ARHGAP28: variants seen among roughly 807,000 people sequenced by gnomAD.
The protein encoded by ARHGAP28 is Rho GTPase activating protein 28.
In ARHGAP28, 56 loss-of-function variants were observed where a neutral mutation model predicts 90.7. The observed-to-expected ratio is 0.62, with a 90% CI of 0.50 to 0.77. The LOEUF (loss-of-function observed/expected upper bound fraction) is 0.77. Among genes scored for constraint, ARHGAP28 ranks in the 30% least tolerant of loss-of-function variants. The pLI is 0.00. For missense variants in ARHGAP28, 869 were observed against 900.9 expected (o/e 0.96, Z 0.45); for synonymous variants, 308 against 323.3 (o/e 0.95, Z 0.51).
Position 6,729,752 on chromosome 18 carries a change from C to A in ARHGAP28, c.-70C>A. On this transcript the variant is annotated 5_prime_UTR_variant, in exon 1 of 18. Coordinates refer to ENST00000383472, the MANE Select transcript of ARHGAP28 (RefSeq NM_001366230.1). The stretch of plus-strand genomic sequence containing the variant: ...CGCGCCGCCCAGCTGCTGACAGCCT[C>A]CCGGCGCGCCGGTCCATGCTGGTCC... The A allele has an allele frequency of 7.7e-7, 1 of 1,290,996 alleles. No homozygotes were observed. The highest frequency in any genetic ancestry group is 9.8e-7 in the Non-Finnish European group (1 of 1,019,734). The allele number at this position is 1,290,996 out of a possible 1,614,324, so 80.0% of individuals were successfully genotyped here. A position where few individuals can be genotyped will look rare whatever the true frequency, so the allele number is the denominator to read the frequency against.
chr18:6,757,170 A>T (rs1394088985), intron 1 of ARHGAP28, among the ~76,000 whole-genome samples: 1 of 152,262 alleles, frequency 6.6e-6, no homozygotes, highest in Non-Finnish European at 1.5e-5. Context: ...TGACCTGCTT[A>T]ATAGTTATCA....
At chr18:6,889,325 A>G (rs566473685) in intron 12 of ARHGAP28, among the ~76,000 whole-genome samples, 8 of 152,132 alleles carry the variant, frequency 5.3e-5, no homozygotes, top group East Asian at 1.9e-4. Context: ...CCAGCTGTCA[A>G]TTTCAAAGTT....
At chr18:6,751,970 A>G (rs1422686915) in intron 1 of ARHGAP28, among the ~76,000 whole-genome samples, 1 of 152,232 alleles carries the variant, frequency 6.6e-6, no homozygotes, top group Non-Finnish European at 1.5e-5. Flanking sequence ...AACTTAAAAA[A>G]AAAAATTCCA....
At chr18:6,904,228 T>C (rs2057353153) in intron 16 of ARHGAP28, among the ~76,000 whole-genome samples, 1 of 152,070 alleles carries the variant, frequency 6.6e-6, no homozygotes, top group Non-Finnish European at 1.5e-5. Flanking sequence ...CCCTCATCTC[T>C]AGTAAAAATA....
chr18:6,857,277 C>A (rs1015529764), intron 4 of ARHGAP28, among the ~76,000 whole-genome samples: 1 of 152,208 alleles, frequency 6.6e-6, no homozygotes, highest in Non-Finnish European at 1.5e-5. Flanking sequence ...TTTTCTGTTG[C>A]ATATCCTGTG....
chr18:6,836,107 T>C (rs2056751510), intron 2 of ARHGAP28: 1 of 152,138 alleles, frequency 6.6e-6, no homozygotes, highest in African/African-American at 2.4e-5. Context: ...GGAAACTCGT[T>C]TGTACTGGCA....
chr18:6,906,029 C>A (rs1310102916), intron 16 of ARHGAP28, among the ~76,000 whole-genome samples: 1 of 151,998 alleles, frequency 6.6e-6, no homozygotes, highest in Non-Finnish European at 1.5e-5. Context: ...TGTAAACATG[C>A]ACAAGCTTAT....
chr18:6,777,500 T>A (rs4399615), intron 1 of ARHGAP28, among the ~76,000 whole-genome samples: 44,879 of 151,940 alleles, frequency 0.3, 7,684 homozygotes, highest in African/African-American at 0.47. Flanking sequence ...AGGTGGGAAG[T>A]TCACTTGAGC....
At chr18:6,894,123 T>C (rs1430425270) in intron 14 of ARHGAP28, among the ~76,000 whole-genome samples, 1 of 152,172 alleles carries the variant, frequency 6.6e-6, no homozygotes, top group Non-Finnish European at 1.5e-5. Context: ...TACCTTGGCC[T>C]CCCAAAGTGC....
At chr18:6,745,113 T>G (rs896080803) in intron 1 of ARHGAP28, among the ~76,000 whole-genome samples, 1 of 152,198 alleles carries the variant, frequency 6.6e-6, no homozygotes, top group African/African-American at 2.4e-5. Flanking sequence ...AATATTTTCC[T>G]TGTGTTTTTA....
intron 7 of ARHGAP28, among the ~76,000 whole-genome samples, chr18:6,871,598 T>C (rs2057090145): frequency 6.6e-6 from 1 of 152,208 alleles, no homozygotes; most frequent in Non-Finnish European, 1.5e-5. Flanking sequence ...TAGAGAACGA[T>C]GTAACATTGG....
At chr18:6,744,486 A>T (rs978577317) in intron 1 of ARHGAP28, among the ~76,000 whole-genome samples, 1 of 152,162 alleles carries the variant, frequency 6.6e-6, no homozygotes, top group African/African-American at 2.4e-5. Context: ...GTAATGAGAT[A>T]ATCCTAGATT....
chr18:6,852,102 G>T (rs1003374201), intron 4 of ARHGAP28, among the ~76,000 whole-genome samples: 3 of 152,098 alleles, frequency 2.0e-5, no homozygotes, highest in African/African-American at 7.2e-5. Context: ...TCCATTGAAC[G>T]TCTTATAATC....
rs770246922 is a variant in ARHGAP28, at chr18:6,859,905, A to C, written c.726+8A>C. 1 of 1,612,552 alleles carries C rather than the reference A, an allele frequency of 6.2e-7. No homozygotes were observed. The highest frequency in any genetic ancestry group is 1.3e-5 in the African/African-American group (1 of 74,906). ...CCCAGGAGTGACTCTGTGGTAAGTC[A>C]TCCATGTCAGCACAGTTACATGTCA... On this transcript the variant is annotated splice_region_variant and intron_variant, in intron 5 of 17. Transcript: ENST00000383472.
chr18:6,752,066 T>C (rs1457597258), intron 1 of ARHGAP28, among the ~76,000 whole-genome samples: 1 of 152,242 alleles, frequency 6.6e-6, no homozygotes, highest in African/African-American at 2.4e-5. Flanking sequence ...AATTTGATTA[T>C]ATTTTAACTA....
chr18:6,731,531 G>T (rs572859926), intron 1 of ARHGAP28, among the ~76,000 whole-genome samples: 2 of 152,156 alleles, frequency 1.3e-5, no homozygotes, highest in Non-Finnish European at 2.9e-5. Flanking sequence ...CAAGCGTTAC[G>T]TGTCAGAGCT....
At chr18:6,814,760 G>A (rs2056579281) in intron 1 of ARHGAP28, among the ~76,000 whole-genome samples, 1 of 152,170 alleles carries the variant, frequency 6.6e-6, no homozygotes, top group African/African-American at 2.4e-5. Flanking sequence ...AAGCAATAGA[G>A]AGAATATGTA....
Position 6,914,522 on chromosome 18 carries a change from AT to A in ARHGAP28, c.*2369del, listed in dbSNP as rs1418733113. ...CTTTTGACCAATTTTATTCCTAAGA[AT>A]AAACAAACCCCTACAGTTAAAATGC... On this transcript the variant is annotated 3_prime_UTR_variant, in exon 18 of 18. Coordinates refer to ENST00000383472, the MANE Select transcript of ARHGAP28 (RefSeq NM_001366230.1). 1 of 152,200 alleles carries A rather than the reference AT, an allele frequency of 6.6e-6. No homozygotes were observed. Among genetic ancestry groups the A allele is most frequent in the African/African-American group, 2.4e-5 (1 of 41,454 alleles). 9.4% of individuals were successfully genotyped at this position (152,200 alleles called of 1,614,324 possible).
intron 17 of ARHGAP28, among the ~76,000 whole-genome samples, chr18:6,911,269 G>A (rs8097809): frequency 0.8 from 121,993 of 152,082 alleles, 49,295 homozygotes; most frequent in Non-Finnish European, 0.86. Context: ...TGGGCTTTAC[G>A]TCCATAGTAA....
Sources: allele counts gnomAD v4.1 joint callset (sites outside exome capture counted in the v4.1 genomes callset), GRCh38; gene constraint gnomAD v4.1.1; transcripts MANE v1.5; gene names NCBI Gene and HGNC (gene_info 2026-07-23, HGNC 2026-07-21).